The following RUNX2 variants were observed in gnomAD, a reference collection of about 807,000 sequenced individuals.
RUNX2 encodes RUNX family transcription factor 2.
RUNX2 carries 10 observed loss-of-function variants against 51.7 expected under a neutral mutation model. The ratio of observed to expected loss-of-function variants is 0.19; its 90% confidence interval spans 0.12 to 0.33. RUNX2 has a LOEUF of 0.33. Ranked by LOEUF, RUNX2 falls within the 10% of genes least tolerant of loss-of-function variation. RUNX2 has a pLI of 1.00. For missense variants in RUNX2, 562 were observed against 691.3 expected, an observed-to-expected ratio of 0.81 and a Z score of 2.10; for synonymous variants, 276 against 273.6, an observed-to-expected ratio of 1.01 and a Z score of -0.09.
At chr6:45,433,641 A>T (rs183656378) in intron 4 of RUNX2, among the ~76,000 whole-genome samples, 1 of 152,342 alleles carries the variant, frequency 6.6e-6, no homozygotes, top group Non-Finnish European at 1.5e-5. Context: ...CAATTTAAGT[A>T]GAAAGTATGG....
chr6:45,439,210 C>A (rs1798773795), intron 5 of RUNX2, among the ~76,000 whole-genome samples: 2 of 152,140 alleles, frequency 1.3e-5, no homozygotes, highest in Admixed American at 1.3e-4. Flanking sequence ...AAAAGCAAGT[C>A]TTTGAGGTTT....
intron 7 of RUNX2, among the ~76,000 whole-genome samples, chr6:45,531,686 G>C (rs1801849134): frequency 6.6e-6 from 1 of 152,098 alleles, no homozygotes; most frequent in Non-Finnish European, 1.5e-5. Flanking sequence ...CCAGGAGACA[G>C]AGGCTGTGGT....
chr6:45,498,921 A>C (rs1800723448), intron 6 of RUNX2, among the ~76,000 whole-genome samples: 1 of 152,204 alleles, frequency 6.6e-6, no homozygotes, highest in South Asian at 2.1e-4. Context: ...TGATTCTTTA[A>C]TGTGAAACAA....
intron 2 of RUNX2, among the ~76,000 whole-genome samples, chr6:45,338,673 C>T (rs1056718344): frequency 6.6e-6 from 1 of 151,944 alleles, no homozygotes; most frequent in Admixed American, 6.6e-5. Flanking sequence ...TTATACTGGG[C>T]AATATAAATT....
intron 2 of RUNX2, 134 bp from the exon 3 acceptor site, chr6:45,422,459 C>T: frequency 1.3e-6 from 1 of 796,758 alleles, no homozygotes; most frequent in East Asian, 3.4e-5. Context: ...CTCCTCAGCC[C>T]CATCACCTCC....
intron 2 of RUNX2, among the ~76,000 whole-genome samples, chr6:45,354,255 G>A (rs1792665931): frequency 6.6e-6 from 1 of 151,912 alleles, no homozygotes; most frequent in African/African-American, 2.4e-5. Context: ...TAACAGCAGG[G>A]ATTAAAAATA....
intron 5 of RUNX2, among the ~76,000 whole-genome samples, chr6:45,491,631 T>G (rs866699367): frequency 2.0e-5 from 3 of 146,832 alleles, no homozygotes; most frequent in South Asian, 2.1e-4. Flanking sequence ...TGTTTTTTTT[T>G]TTTTTTTTTT....
At chr6:45,369,518 A>C (rs1795693236) in intron 2 of RUNX2, among the ~76,000 whole-genome samples, 1 of 152,062 alleles carries the variant, frequency 6.6e-6, no homozygotes, top group South Asian at 2.1e-4. Context: ...ATCATCTTCT[A>C]CTTCCAGAGA....
chr6:45,543,423 G>T (rs969418841), intron 7 of RUNX2, among the ~76,000 whole-genome samples: 1 of 152,112 alleles, frequency 6.6e-6, no homozygotes, highest in African/African-American at 2.4e-5. Flanking sequence ...TTTTAAAAAG[G>T]TCCCCAAACC....
At chr6:45,456,198 CT>C (rs1799312893) in intron 5 of RUNX2, among the ~76,000 whole-genome samples, 1 of 152,014 alleles carries the variant, frequency 6.6e-6, no homozygotes, top group African/African-American at 2.4e-5. Flanking sequence ...CCTTTTACTA[CT>C]TTTTCCTAAA....
chr6:45,456,288 T>C (rs1388055880), intron 5 of RUNX2, among the ~76,000 whole-genome samples: 1 of 152,236 alleles, frequency 6.6e-6, no homozygotes, highest in Non-Finnish European at 1.5e-5. Context: ...TGATTTTATT[T>C]TTTAATTATT....
At chr6:45,329,701 G>A (rs964652665) in intron 2 of RUNX2, among the ~76,000 whole-genome samples, 2 of 151,782 alleles carry the variant, frequency 1.3e-5, no homozygotes, top group African/African-American at 4.8e-5. Flanking sequence ...AAACCATGCT[G>A]GACTTTAAAA....
At chr6:45,445,910 A>G (rs1357809442) in intron 5 of RUNX2, among the ~76,000 whole-genome samples, 1 of 152,136 alleles carries the variant, frequency 6.6e-6, no homozygotes, top group African/African-American at 2.4e-5. Context: ...AGTTTTAAAT[A>G]TCTTTCAGTC....
chr6:45,504,057 C>T (rs1204616154), intron 6 of RUNX2, among the ~76,000 whole-genome samples: 2 of 152,072 alleles, frequency 1.3e-5, no homozygotes, highest in Admixed American at 6.5e-5. Context: ...CATTTTTAGA[C>T]TCTGTCACTC....
intron 2 of RUNX2, among the ~76,000 whole-genome samples, chr6:45,396,555 G>C (rs968820081): frequency 2.6e-5 from 4 of 151,966 alleles, no homozygotes; most frequent in African/African-American, 9.7e-5. Flanking sequence ...ACAGGCATGT[G>C]GTACCATGCC....
intron 7 of RUNX2, among the ~76,000 whole-genome samples, chr6:45,541,616 A>G (rs1802231684): frequency 6.6e-6 from 1 of 152,226 alleles, no homozygotes; most frequent in Admixed American, 6.5e-5. Context: ...TGAGAAGTAC[A>G]ATGGCTTTTC....
At chr6:45,350,626 AAAT>A (rs1791818136) in intron 2 of RUNX2, among the ~76,000 whole-genome samples, 1 of 152,206 alleles carries the variant, frequency 6.6e-6, no homozygotes, top group African/African-American at 2.4e-5. Context: ...ACTTCAAAGC[AAAT>A]AATAATTTCT....
intron 2 of RUNX2, among the ~76,000 whole-genome samples, chr6:45,415,756 C>A (rs761091692): frequency 6.6e-6 from 1 of 151,952 alleles, no homozygotes; most frequent in African/African-American, 2.4e-5. Flanking sequence ...ACGTCCCCAC[C>A]GACAAAACAT....
intron 5 of RUNX2, among the ~76,000 whole-genome samples, chr6:45,448,988 C>A (rs1356369736): frequency 6.6e-6 from 1 of 152,174 alleles, no homozygotes; most frequent in East Asian, 1.9e-4. Flanking sequence ...GTTTCACCCC[C>A]TCACTGTTTA....
Sources: allele counts gnomAD v4.1 joint callset (sites outside exome capture counted in the v4.1 genomes callset), GRCh38; gene constraint gnomAD v4.1.1; transcripts MANE v1.5; gene names NCBI Gene and HGNC (gene_info 2026-07-23, HGNC 2026-07-21).